The following SDHC variants were observed in gnomAD, a reference collection of about 807,000 sequenced individuals.
SDHC encodes succinate dehydrogenase complex subunit C, also known as succinate dehydrogenase cytochrome b560 subunit, mitochondrial.
Under a neutral mutation model 22.6 loss-of-function variants are expected in SDHC, and 11 were observed. That is an observed-to-expected ratio of 0.49 (90% confidence interval 0.31 to 0.81). The LOEUF (loss-of-function observed/expected upper bound fraction) is 0.81, where lower values mean the gene tolerates loss of function less well. Ranked by LOEUF, SDHC falls within the 30% of genes least tolerant of loss-of-function variation. The pLI is 0.05. For missense variants in SDHC, 160 were observed against 212.0 expected (o/e 0.75, Z 1.52); for synonymous variants, 80 against 77.8 (o/e 1.03, Z -0.15).
chr1:161,339,629 A>AATTT (rs1553264090), intron 3 of SDHC: 3 of 746,866 alleles, frequency 4.0e-6, no homozygotes, highest in East Asian at 2.3e-4. Flanking sequence ...TTTATTCTTT[A>AATTT]ATTTATTTTT....
chr1:161,355,693 T>A (rs576745518), intron 4 of SDHC, among the ~76,000 whole-genome samples: 2 of 152,092 alleles, frequency 1.3e-5, no homozygotes, highest in South Asian at 4.1e-4. Context: ...AAGATAAAGA[T>A]AAAAAAAGGG....
At chr1:161,356,145 A>C (rs1207354019) in intron 4 of SDHC, among the ~76,000 whole-genome samples, 1 of 152,134 alleles carries the variant, frequency 6.6e-6, no homozygotes, top group Non-Finnish European at 1.5e-5. Flanking sequence ...ACGGATGTTG[A>C]AAGGAGGAAT....
intron 4 of SDHC, among the ~76,000 whole-genome samples, chr1:161,345,119 A>T (rs752686649): frequency 6.6e-6 from 1 of 152,038 alleles, no homozygotes; most frequent in South Asian, 2.1e-4. Flanking sequence ...CTCTTCCCTA[A>T]CTCATTCCTG....
chr1:161,327,023 C>T (rs887588109), intron 2 of SDHC, among the ~76,000 whole-genome samples: 3 of 152,148 alleles, frequency 2.0e-5, no homozygotes, highest in African/African-American at 7.2e-5. Flanking sequence ...TCCCTGGGCT[C>T]AGAAGATCCT....
intron 2 of SDHC, 86 bp downstream of exon 2, chr1:161,323,756 C>T (rs1003202323): frequency 2.5e-5 from 25 of 1,017,780 alleles, no homozygotes; most frequent in African/African-American, 3.3e-5. Context: ...AGTGCAATGG[C>T]GCGATCTCGG....
chr1:161,331,725 A>G (rs1178402299), intron 3 of SDHC, among the ~76,000 whole-genome samples: 3 of 151,096 alleles, frequency 2.0e-5, no homozygotes, highest in African/African-American at 4.9e-5. Context: ...CCTCCCAAGT[A>G]GCTGGGATTA....
chr1:161,354,832 C>T (rs916081944), intron 4 of SDHC, among the ~76,000 whole-genome samples: 1 of 151,830 alleles, frequency 6.6e-6, no homozygotes, highest in African/African-American at 2.4e-5. Flanking sequence ...GCCTCAGCCT[C>T]CTGAGTAGCT....
At chr1:161,320,674 A>G (rs978963352) in intron 1 of SDHC, among the ~76,000 whole-genome samples, 15 of 152,088 alleles carry the variant, frequency 9.9e-5, no homozygotes, top group African/African-American at 3.6e-4. Context: ...TATGTGGTGT[A>G]TTGTAGTTTA....
chr1:161,359,275 C>T (rs1672408635), intron 5 of SDHC, among the ~76,000 whole-genome samples: 1 of 152,110 alleles, frequency 6.6e-6, no homozygotes, highest in Non-Finnish European at 1.5e-5. Flanking sequence ...GCCTTAGAGA[C>T]AAGCACTTTC....
chr1:161,348,401 C>T (rs542509544), intron 4 of SDHC, among the ~76,000 whole-genome samples: 1 of 151,700 alleles, frequency 6.6e-6, no homozygotes, highest in Non-Finnish European at 1.5e-5. Context: ...TCAAGTGATC[C>T]GCCTGCCTCT....
intron 4 of SDHC, among the ~76,000 whole-genome samples, chr1:161,349,904 T>A (rs1040950963): frequency 2.6e-5 from 4 of 152,156 alleles, no homozygotes; most frequent in African/African-American, 9.7e-5. Context: ...CTTTTTTTTC[T>A]CTTTAGTTTA....
intron 5 of SDHC, among the ~76,000 whole-genome samples, chr1:161,359,555 A>G (rs767185651): frequency 1.3e-5 from 2 of 152,146 alleles, no homozygotes; most frequent in African/African-American, 4.8e-5. Context: ...GACTTGCCCT[A>G]TATTTGTCTT....
intron 4 of SDHC, among the ~76,000 whole-genome samples, chr1:161,346,897 T>C (rs1288320433): frequency 6.6e-6 from 1 of 152,242 alleles, no homozygotes; most frequent in African/African-American, 2.4e-5. Flanking sequence ...ATCTCTAGAT[T>C]ACTTATAATA....
At chr1:161,332,088 C>T (rs1671299263) in intron 3 of SDHC, among the ~76,000 whole-genome samples, 1 of 152,086 alleles carries the variant, frequency 6.6e-6, no homozygotes, top group Non-Finnish European at 1.5e-5. Flanking sequence ...AGTGATCTTC[C>T]TGACTCAGCC....
At chr1:161,354,972 A>C (rs530620115) in intron 4 of SDHC, among the ~76,000 whole-genome samples, 4 of 152,210 alleles carry the variant, frequency 2.6e-5, no homozygotes, top group African/African-American at 9.6e-5. Context: ...GGCCTCCCAA[A>C]GTGTTGGGAT....
intron 4 of SDHC, among the ~76,000 whole-genome samples, chr1:161,349,864 A>G (rs943932533): frequency 3.3e-5 from 5 of 152,148 alleles, no homozygotes; most frequent in African/African-American, 9.7e-5. Context: ...ACCAAGCCTC[A>G]GTATTTTTGT....
intron 4 of SDHC, among the ~76,000 whole-genome samples, chr1:161,354,966 T>C (rs937935617): frequency 6.6e-6 from 1 of 152,124 alleles, no homozygotes; most frequent in Non-Finnish European, 1.5e-5. Context: ...CACCTTGGCC[T>C]CCCAAAGTGT....
chr1:161,337,694 A>T (rs1371210906), intron 3 of SDHC, among the ~76,000 whole-genome samples: 1 of 152,226 alleles, frequency 6.6e-6, no homozygotes, highest in Non-Finnish European at 1.5e-5. Flanking sequence ...TAACATTTGA[A>T]TTCAGCAGTT....
chr1:161,350,590 T>TA (rs1425524652), intron 4 of SDHC, among the ~76,000 whole-genome samples: 2 of 152,140 alleles, frequency 1.3e-5, no homozygotes, highest in South Asian at 2.1e-4. Context: ...AGGTATTTTT[T>TA]AAAAAAAATC....
Sources: gnomAD v4.1 joint callset for allele counts (sites outside exome capture counted in the v4.1 genomes callset) on GRCh38, gnomAD v4.1.1 for gene constraint, MANE v1.5 for transcripts, NCBI Gene and HGNC (gene_info 2026-07-23, HGNC 2026-07-21) for gene names.